Variants in PSMD2 observed in about 807,000 individuals in gnomAD.
PSMD2 encodes 26S proteasome non-ATPase regulatory subunit 2.
Under a neutral mutation model 101.5 loss-of-function variants are expected in PSMD2, and 8 were observed. The observed-to-expected ratio is 0.08, with a 90% confidence interval of 0.05 to 0.14. The LOEUF is 0.14. PSMD2 is among the 10% of genes least tolerant of loss of function. PSMD2 has a pLI of 1.00. For missense variants in PSMD2, 784 were observed against 1,147.4 expected (o/e 0.68, Z 4.58); for synonymous variants, 418 against 433.8 (o/e 0.96, Z 0.45).
In PSMD2 at chr3:184,301,831, C is replaced by G. The variant is rs1436168623; in HGVS notation, c.480-16C>G. 1 of 1,614,038 alleles carries G rather than the reference C, an allele frequency of 6.2e-7. No individual in the cohort carries two copies. Among genetic ancestry groups the G allele is most frequent in the African/African-American group, 1.3e-5 (1 of 74,922 alleles). On this transcript the variant is annotated splice_polypyrimidine_tract_variant and intron_variant, in intron 4 of 20. Transcript: ENST00000310118. ...CCTGAAGCTGTGCTCTCTTAATCGT[C>G]TGGGACTATCTGTAGGCATCTGGCA...
intron 2 of PSMD2, 103 bp from the exon 3 acceptor site, chr3:184,300,177 G>A (rs1387629692): frequency 8.1e-7 from 1 of 1,227,302 alleles, no homozygotes; most frequent in Admixed American, 2.3e-5. Context: ...GAATGAATAA[G>A]ACACAGCATT....
rs752243931 is a variant in PSMD2, at chr3:184,306,842, T to C, written c.2034+8T>C. 3.7e-6 allele frequency: 6 copies of C among 1,610,172 alleles called. No individual in the cohort carries two copies. Among genetic ancestry groups the C allele is most frequent in the South Asian group, 1.1e-5 (1 of 90,538 alleles). On this transcript the variant is annotated splice_region_variant and intron_variant, in intron 16 of 20. Transcript: ENST00000310118. The stretch of plus-strand genomic sequence containing the variant: ...CGAACCTTTGGCCACTTGGTGAGTA[T>C]AGCATGAAGAAAATTGGAATATACT...
chr3:184,305,953 G>A, intron 13 of PSMD2, 23 bp downstream of exon 13: 1 of 1,613,872 alleles, frequency 6.2e-7, no homozygotes, highest in Non-Finnish European at 8.5e-7. Context: ...TTCTATTTGG[G>A]CAAAGAGCTG....
At chr3:184,300,492 T>C (rs1250623058) in intron 3 of PSMD2, 48 bp downstream of exon 3, 9 of 1,590,476 alleles carry the variant, frequency 5.7e-6, no homozygotes, top group Non-Finnish European at 7.7e-6. Flanking sequence ...GAATTCCTTT[T>C]TACCCAGATC....
At chr3:184,302,341 T>C (rs1352640782) in intron 5 of PSMD2, 29 bp from the exon 6 acceptor site, 2 of 1,602,274 alleles carry the variant, frequency 1.2e-6, no homozygotes, top group African/African-American at 2.7e-5. Context: ...TGGGACTTTC[T>C]GAATTCTTTG....
rs1344249239 is a variant in PSMD2 at position 184,299,728 on chromosome 3, G to A, written c.136-123G>A. The A allele has an allele frequency of 6.1e-6, 5 of 816,566 alleles. No individual in the cohort carries two copies. In the East Asian group the frequency reaches 1.2e-4, roughly 20 times the overall value. 50.6% of individuals were successfully genotyped at this position (816,566 alleles called of 1,614,324 possible). A position where few individuals can be genotyped will look rare whatever the true frequency, so the allele number is the denominator to read the frequency against. On this transcript the variant is annotated intron_variant, in intron 1 of 20. Coordinates refer to ENST00000310118, the MANE Select transcript of PSMD2 (RefSeq NM_002808.5). Reference sequence around the variant, plus strand: ...CACCAGGGCTTCCCATTCCCACTCGGTTTCCTTGTCCACCTGGCCCCTCCT... The same window carrying A: ...CACCAGGGCTTCCCATTCCCACTCGATTTCCTTGTCCACCTGGCCCCTCCT...
Position 184,301,552 on chromosome 3 carries a change from A to C in PSMD2, c.373A>C (p.Ile125Leu), listed in dbSNP as rs895019658. ...TTCTTTATAGCGTTTTGCTGCTGACATCATCTCCGTTTTGGCCATGACCAT... is the reference window on the plus strand; with the variant it reads ...TTCTTTATAGCGTTTTGCTGCTGACCTCATCTCCGTTTTGGCCATGACCAT... ...PGENKRFAAD[I>L]ISVLAMTMSG... The change falls in exon 4 of 21, where the codon ATC (isoleucine) becomes CTC (leucine). Residue 125 changes from isoleucine (I) to leucine (L), a missense_variant. Physicochemically the swap from Ile to Leu is conservative, Grantham distance 5. Transcript: ENST00000310118. 1 of 1,613,752 alleles carries C rather than the reference A, an allele frequency of 6.2e-7. No individual in the cohort carries two copies. The highest frequency in any genetic ancestry group is 8.5e-7 in the Non-Finnish European group (1 of 1,179,942).
At chr3:184,307,730 C>T in intron 18 of PSMD2, 22 bp downstream of exon 18, 1 of 1,611,578 alleles carries the variant, frequency 6.2e-7, no homozygotes, top group Non-Finnish European at 8.5e-7. Flanking sequence ...AACTCCTCCA[C>T]AGAGCGTGCC....
intron 16 of PSMD2, 60 bp downstream of exon 16, chr3:184,306,894 G>A: frequency 2.9e-6 from 4 of 1,392,982 alleles, no homozygotes; most frequent in South Asian, 2.5e-5. Context: ...GGTTCCCCAG[G>A]GAAGATTTTT....
Position 184,301,630 on chromosome 3 carries a change from T to C in PSMD2, c.451T>C (p.Leu151=). ...TCGGCTAGTGGGCTCCCAGGAGGAA[T>C]TGGCATCATGGGGTCATGAGTATGT... ...KYRLVGSQEE[L]ASWGHEYVRH... Residue 151 remains leucine, a synonymous_variant, in exon 4 of 21, where the codon TTG becomes CTG. Transcript: ENST00000310118. 1 of 1,614,176 alleles carries C rather than the reference T, an allele frequency of 6.2e-7. No individual in the cohort carries two copies. The highest frequency in any genetic ancestry group is 1.3e-5 in the African/African-American group (1 of 75,050).
intron 3 of PSMD2, 129 bp from the exon 4 acceptor site, chr3:184,301,408 T>G (rs1721638718): frequency 8.2e-7 from 1 of 1,221,332 alleles, no homozygotes; most frequent in African/African-American, 1.5e-5. Context: ...ACATAACATG[T>G]TAAATTTCTA....
chr3:184,301,914 C>T lies in PSMD2; in HGVS notation c.547C>T (p.Pro183Ser). Residue 183 changes from proline to serine, a missense_variant, in exon 5 of 21, where the codon CCT becomes TCT. By Grantham distance (74) the Pro-to-Ser change is moderately conservative. Coordinates refer to ENST00000310118, the MANE Select transcript of PSMD2 (RefSeq NM_002808.5). ...LDDAEKVQREPLLTLVKEIVP... is the reference protein window; with the variant it reads ...LDDAEKVQRESLLTLVKEIVP... ...TGACGCAGAGAAGGTCCAGCGGGAG[C>T]CTCTGCTCACTCTGGTGAAGGAAAT... The T allele has an allele frequency of 6.2e-7, 1 of 1,614,180 alleles. No individual in the cohort carries two copies. Among genetic ancestry groups the T allele is most frequent in the Non-Finnish European group, 8.5e-7 (1 of 1,180,036 alleles).
chr3:184,301,208 C>T (rs1205416331), intron 3 of PSMD2, among the ~76,000 whole-genome samples: 4 of 151,480 alleles, frequency 2.6e-5, no homozygotes, highest in African/African-American at 7.3e-5. Context: ...TGGTGGTGGG[C>T]GCCTGTAATC....
In PSMD2 at chr3:184,308,699, A is replaced by C. The variant is rs758050319; in HGVS notation, c.2545-9A>C. The C allele has an allele frequency of 1.2e-5, 20 of 1,606,750 alleles. No homozygotes were observed. Among genetic ancestry groups the C allele is most frequent in the South Asian group, 1.1e-4 (10 of 90,676 alleles). Reference sequence around the variant, plus strand: ...TTCCATCTCTCTTTTCAATTTTCTTACCCTACAGGCAGTGGATGTGGTGGG... The same window carrying C: ...TTCCATCTCTCTTTTCAATTTTCTTCCCCTACAGGCAGTGGATGTGGTGGG... On this transcript the variant is annotated splice_polypyrimidine_tract_variant and intron_variant, in intron 20 of 20. Coordinates refer to ENST00000310118, the MANE Select transcript of PSMD2 (RefSeq NM_002808.5). The surrounding 1 kb of genome is among the most constrained non-coding windows in gnomAD (Gnocchi z 6.0).
chr3:184,302,119 CCT>C (rs745750409), intron 5 of PSMD2, 48 bp downstream of exon 5: 1 of 1,571,082 alleles, frequency 6.4e-7, no homozygotes, highest in Non-Finnish European at 8.8e-7. Context: ...CTCCTCAGCA[CCT>C]CTCTCTCAAT....
chr3:184,301,923 A>G lies in PSMD2; in HGVS notation c.556A>G (p.Thr186Ala). ...GAAGGTCCAGCGGGAGCCTCTGCTC[A>G]CTCTGGTGAAGGAAATCGTCCCCTA... Reference protein sequence around the residue: ...AEKVQREPLLTLVKEIVPYNM... With the variant: ...AEKVQREPLLALVKEIVPYNM... The change falls in exon 5 of 21, where the codon ACT (threonine) becomes GCT (alanine). Residue 186 changes from threonine (T) to alanine (A), a missense_variant. By Grantham distance (58) the Thr-to-Ala change is moderately conservative. This residue lies in a region of PSMD2 where 208 missense variants were observed against 301.6 expected (regional missense o/e 0.69). Transcript: ENST00000310118. 1 of 1,614,190 alleles carries G rather than the reference A, an allele frequency of 6.2e-7. No homozygotes were observed. The highest frequency in any genetic ancestry group is 8.5e-7 in the Non-Finnish European group (1 of 1,180,028).
chr3:184,299,946 A>G (rs758466535), intron 2 of PSMD2, 39 bp downstream of exon 2: 1 of 1,579,384 alleles, frequency 6.3e-7, no homozygotes, highest in South Asian at 1.1e-5. Flanking sequence ...GCATGTTTGG[A>G]TCTTTCCCAC....
chr3:184,301,343 A>G (rs555853684), intron 3 of PSMD2, among the ~76,000 whole-genome samples, 194 bp from the exon 4 acceptor site: 1 of 152,152 alleles, frequency 6.6e-6, no homozygotes, highest in African/African-American at 2.4e-5. Context: ...TCTCAAAAAA[A>G]AAAAAAAAAG....
chr3:184,305,630 CTATTGTTATT>C, intron 12 of PSMD2, 128 bp from the exon 13 acceptor site: 3 of 775,590 alleles, frequency 3.9e-6, no homozygotes, highest in Middle Eastern at 3.9e-4. Context: ...ATAATGACTA[CTATTGTTATT>C]TTGATATTAT....
Sources: allele counts gnomAD v4.1 joint callset (sites outside exome capture counted in the v4.1 genomes callset), GRCh38; gene constraint gnomAD v4.1.1; regional missense constraint gnomAD v4.1.1; non-coding constraint Gnocchi (gnomAD v3.1); transcripts MANE v1.5; gene names NCBI Gene and HGNC (gene_info 2026-07-23, HGNC 2026-07-21).